The following SLC22A16 variants were observed in gnomAD, a reference collection of about 807,000 sequenced individuals.
The protein encoded by SLC22A16 is solute carrier family 22 member 16, also known as WUGSC:RG331P03.1.
In SLC22A16, 53 loss-of-function variants were observed where a neutral mutation model predicts 52.9. The observed-to-expected ratio is 1.00, with a 90% confidence interval of 0.80 to 1.26. The LOEUF is 1.26. Among genes scored for constraint, SLC22A16 ranks in the 50% most tolerant of loss-of-function variants. The pLI is 0.00. For synonymous variants in SLC22A16, 291 were observed against 268.8 expected, an observed-to-expected ratio of 1.08 and a Z score of -0.81; for missense variants, 726 against 704.0, an observed-to-expected ratio of 1.03 and a Z score of -0.35.
At chr6:110,447,167 C>T (rs1348816917) in intron 2 of SLC22A16, among the ~76,000 whole-genome samples, 177 bp from the exon 3 acceptor site, 2 of 152,076 alleles carry the variant, frequency 1.3e-5, no homozygotes, top group Non-Finnish European at 2.9e-5. Flanking sequence ...TTTAAAAGAC[C>T]AGCTGTTCAG....
rs776594417 is a variant in SLC22A16 at position 110,456,837 on chromosome 6, C to G, written c.234G>C (p.Leu78Phe). 2.5e-6 allele frequency: 4 copies of G among 1,614,026 alleles called. No homozygotes were observed. Among genetic ancestry groups the G allele is most frequent in the Non-Finnish European group, 3.4e-6 (4 of 1,180,010 alleles). ...TAACATAATCTTTCTGGCCTGAAGA[C>G]AACAGGGCCCCGGTGTCCTCCAAAC... ...NWSLEDTGAL[L>F]SSGQKDYVTV... The change falls in exon 2 of 8, where the codon TTG (leucine) becomes TTC (phenylalanine). Residue 78 changes from leucine to phenylalanine, a missense_variant. By Grantham distance (22) the Leu-to-Phe change is conservative. Transcript: ENST00000368919.
In SLC22A16 at chr6:110,441,247, A is replaced by G. The variant is rs565869146; in HGVS notation, c.1183+997T>C. 2.3e-3 allele frequency among the ~76,000 whole-genome samples: 349 copies of G among 152,350 alleles called. 2 individuals carry two copies. The highest frequency in any genetic ancestry group is 3.8e-3 in the Non-Finnish European group (260 of 68,038). ...AATAGCCAATACCATAGATATCTCA[A>G]TTAGTCTGGCTTACAGAATTCTGAC... On this transcript the variant is annotated intron_variant, in intron 4 of 7. Transcript: ENST00000368919.
Position 110,459,175 on chromosome 6 carries a change from A to G in SLC22A16, c.54-2158T>C, listed in dbSNP as rs527695355. Reference sequence around the variant, plus strand: ...CTGTAGACATTCCCTCTCTCCAGGAAGTAGAGTTTAATTCCCGCAATTTAC... The same window carrying G: ...CTGTAGACATTCCCTCTCTCCAGGAGGTAGAGTTTAATTCCCGCAATTTAC... On this transcript the variant is annotated intron_variant, in intron 1 of 7. Coordinates refer to ENST00000368919, the MANE Select transcript of SLC22A16 (RefSeq NM_033125.4). Among the ~76,000 whole-genome samples, 8 of 152,312 alleles carry G rather than the reference A, an allele frequency of 5.3e-5. 1 individual carries two copies. The South Asian group carries it at 1.7e-3, about 32-fold the overall frequency.
chr6:110,474,931 C>T, intron 1 of SLC22A16: 1 of 519,046 alleles, frequency 1.9e-6, no homozygotes, highest in African/African-American at 1.9e-5. Flanking sequence ...GTACCACCTA[C>T]CTCATTGAGT....
At chr6:110,438,589 A>AT in intron 5 of SLC22A16, 131 bp downstream of exon 5, 2 of 921,270 alleles carry the variant, frequency 2.2e-6, no homozygotes, top group Non-Finnish European at 3.0e-6. Context: ...AAGAAAACAG[A>AT]TTTTTAAATA....
intron 1 of SLC22A16, chr6:110,475,970 T>C (rs533807891): frequency 2.2e-6 from 1 of 456,336 alleles, no homozygotes; most frequent in South Asian, 1.5e-5. Flanking sequence ...GAACATCAAA[T>C]GAAGAACTAT....
chr6:110,441,014 A>T (rs533365179), intron 4 of SLC22A16, among the ~76,000 whole-genome samples: 1 of 152,332 alleles, frequency 6.6e-6, no homozygotes, highest in African/African-American at 2.4e-5. Flanking sequence ...GCTTGGGTGG[A>T]AGAATGGTGA....
intron 5 of SLC22A16, 63 bp from the exon 6 acceptor site, chr6:110,436,024 T>C: frequency 9.7e-7 from 1 of 1,031,678 alleles, no homozygotes; most frequent in East Asian, 2.5e-5. Flanking sequence ...ATAGAAAATC[T>C]TTAAAATCAT....
chr6:110,472,234 C>T (rs1776284279), intron 1 of SLC22A16, among the ~76,000 whole-genome samples: 1 of 152,184 alleles, frequency 6.6e-6, no homozygotes, highest in African/African-American at 2.4e-5. Flanking sequence ...ACTTCTCCTT[C>T]ATGCCTTAGG....
At chr6:110,430,765 T>C (rs190522789) in intron 7 of SLC22A16, among the ~76,000 whole-genome samples, 5 of 152,302 alleles carry the variant, frequency 3.3e-5, no homozygotes, top group South Asian at 2.1e-4. Context: ...CATAATCTTT[T>C]TGGAGCAGGC....
Position 110,476,539 on chromosome 6 carries a change from G to A in SLC22A16, c.36C>T (p.His12=). 1.3e-6 allele frequency: 2 copies of A among 1,486,824 alleles called. No homozygotes were observed. The highest frequency in any genetic ancestry group is 1.8e-6 in the Non-Finnish European group (2 of 1,122,910). 92.1% of individuals were successfully genotyped at this position (1,486,824 alleles called of 1,614,324 possible). A position where few individuals can be genotyped will look rare whatever the true frequency, so the allele number is the denominator to read the frequency against. Residue 12 remains histidine, a synonymous_variant, in exon 1 of 8, where the codon CAC becomes CAT. Coordinates refer to ENST00000368919, the MANE Select transcript of SLC22A16 (RefSeq NM_033125.4). The stretch of plus-strand genomic sequence containing the variant: ...CCCCATACCTGCCGAAGTGCCCCAC[G>A]TGGTCATAAATCCCCTCGAAGTGGC... The part of the protein sequence containing the change: ...GSRHFEGIYD[H]VGHFGRFQRV...
chr6:110,427,265 G>GAAAAGA (rs1774300146), intron 7 of SLC22A16, among the ~76,000 whole-genome samples: 1 of 116,828 alleles, frequency 8.6e-6, no homozygotes, highest in South Asian at 2.8e-4. Flanking sequence ...AAAAAAAAAA[G>GAAAAGA]AAAAAAAAGA....
chr6:110,436,898 C>T lies in SLC22A16; in HGVS notation c.1312-937G>A, dbSNP rs150414001. ...CCTATATTCCGAAATCTCCCTCCTC[C>T]CCCATCTGCCAACTGGATGCTGAGA... On this transcript the variant is annotated intron_variant, in intron 5 of 7. Coordinates refer to ENST00000368919, the MANE Select transcript of SLC22A16 (RefSeq NM_033125.4). 5.4e-3 allele frequency among the ~76,000 whole-genome samples: 824 copies of T among 152,244 alleles called. 2 individuals carry two copies. Among genetic ancestry groups the T allele is most frequent in the Middle Eastern group, 0.02 (6 of 294 alleles).
At chr6:110,442,992 A>T (rs1373487036) in intron 3 of SLC22A16, among the ~76,000 whole-genome samples, 2 of 152,130 alleles carry the variant, frequency 1.3e-5, no homozygotes, top group East Asian at 3.8e-4. Flanking sequence ...CAAATGGCAA[A>T]ACTTGAGAGA....
At chr6:110,437,917 T>C (rs754745977) in intron 5 of SLC22A16, among the ~76,000 whole-genome samples, 1 of 152,132 alleles carries the variant, frequency 6.6e-6, no homozygotes, top group Non-Finnish European at 1.5e-5. Flanking sequence ...GTACCAGACA[T>C]TGGAAACTAC....
chr6:110,471,036 A>C (rs1174220330), intron 1 of SLC22A16, among the ~76,000 whole-genome samples: 1 of 152,208 alleles, frequency 6.6e-6, no homozygotes, highest in East Asian at 1.9e-4. Context: ...CGCCTGTGAC[A>C]GCATCTCCTA....
In SLC22A16 at chr6:110,438,754, G is replaced by A; in HGVS notation, c.1277C>T (p.Ala426Val). The A allele has an allele frequency of 6.2e-6, 10 of 1,614,072 alleles. No homozygotes were observed. The highest frequency in any genetic ancestry group is 6.8e-6 in the Non-Finnish European group (8 of 1,179,984). The part of the protein sequence containing the change: ...TVLAYSLFCS[A>V]LACGVVMVIP... The stretch of plus-strand genomic sequence containing the variant: ...CACCATAACGACACCACAGGCCAGT[G>A]CACTGCAGAAAAGAGAGTAGGCCAG... The change falls in exon 5 of 8, where the codon GCA becomes GTA. Residue 426 changes from alanine to valine, a missense_variant. Transcript: ENST00000368919.
chr6:110,476,147 T>G, intron 1 of SLC22A16: 1 of 397,648 alleles, frequency 2.5e-6, no homozygotes, highest in Non-Finnish European at 4.7e-6. Flanking sequence ...TGGCGGCGGA[T>G]TAGAGAAACG....
At chr6:110,475,123 A>C (rs554279771) in intron 1 of SLC22A16, 6 of 405,884 alleles carry the variant, frequency 1.5e-5, no homozygotes, top group Admixed American at 1.1e-4. Context: ...ATCCAGCCTT[A>C]AAACTGATCT....
Sources: allele counts gnomAD v4.1 joint callset (sites outside exome capture counted in the v4.1 genomes callset), GRCh38; gene constraint gnomAD v4.1.1; transcripts MANE v1.5; gene names NCBI Gene and HGNC (gene_info 2026-07-23, HGNC 2026-07-21).